AASS: variants seen among roughly 807,000 people sequenced by gnomAD.
AASS encodes alpha-aminoadipic semialdehyde synthase, mitochondrial.
A neutral mutation model predicts 105.4 loss-of-function variants in AASS; 86 were observed. The observed-to-expected ratio is 0.82, with a 90% CI of 0.69 to 0.98. AASS has a LOEUF of 0.98. Ranked by LOEUF, AASS falls within the 50% of genes least tolerant of loss-of-function variation. AASS has a pLI of 0.00. For missense variants in AASS, 1,048 were observed against 1,143.2 expected (o/e 0.92, Z 1.20); for synonymous variants, 381 against 394.8 (o/e 0.96, Z 0.41).
intron 15 of AASS, among the ~76,000 whole-genome samples, chr7:122,095,930 T>A (rs907648489): frequency 3.6e-4 from 55 of 152,278 alleles, no homozygotes; most frequent in African/African-American, 1.3e-3. Context: ...TAAGATCTAA[T>A]AATATTTTAA....
chr7:122,079,174 C>A, intron 21 of AASS: 1 of 1,428,788 alleles, frequency 7.0e-7, no homozygotes, highest in Non-Finnish European at 9.1e-7. Flanking sequence ...TGGAGCAGGG[C>A]AGAGATGATG....
chr7:122,118,381 T>C lies in AASS; in HGVS notation c.613A>G (p.Ile205Val), dbSNP rs147034804. ...GACTTAGGCATCAAACCCAAAGATA[T>C]TTCATAGCCAGCATCACGGACAGCT... ...VQAVRDAGYEISLGLMPKSIG... is the reference protein window; with the variant it reads ...VQAVRDAGYEVSLGLMPKSIG... The change falls in exon 6 of 24, where the codon ATA (isoleucine) becomes GTA (valine). Residue 205 changes from isoleucine (I) to valine (V), a missense_variant. Physicochemically the swap from Ile to Val is conservative, Grantham distance 29. Coordinates refer to ENST00000417368, the MANE Select transcript of AASS (RefSeq NM_005763.4). 4 of 1,614,064 alleles carry C rather than the reference T, an allele frequency of 2.5e-6. No individual in the cohort carries two copies. The highest frequency in any genetic ancestry group is 3.3e-5 in the Admixed American group (2 of 60,000).
chr7:122,143,456 A>G (rs911309725), intron 1 of AASS, among the ~76,000 whole-genome samples: 1 of 150,510 alleles, frequency 6.6e-6, no homozygotes, highest in African/African-American at 2.4e-5. Flanking sequence ...GAGGGTGGGT[A>G]AACTGCTTCT....
chr7:122,087,248 G>A (rs1046044946), intron 18 of AASS, among the ~76,000 whole-genome samples: 2 of 152,156 alleles, frequency 1.3e-5, no homozygotes, highest in African/African-American at 2.4e-5. Flanking sequence ...GGTTCTGAAC[G>A]TGCCTTTGTA....
In AASS at chr7:122,126,805, C is replaced by T. The variant is rs548249912; in HGVS notation, c.388-346G>A. 8.5e-5 allele frequency among the ~76,000 whole-genome samples: 13 copies of T among 152,270 alleles called. No individual in the cohort carries two copies. The Middle Eastern group carries it at 0.01, about 120-fold the overall frequency. On this transcript the variant is annotated intron_variant, in intron 3 of 23. Transcript: ENST00000417368. ...AAGCCCCTCTCATCCTTACATCCTT[C>T]CTTCTGGTCAAATAAAACAGATCCA...
chr7:122,108,381 T>C (rs1794768313), intron 11 of AASS, among the ~76,000 whole-genome samples: 1 of 152,056 alleles, frequency 6.6e-6, no homozygotes, highest in Admixed American at 6.6e-5. Flanking sequence ...AAAAGTAAAC[T>C]TCAGGCCAAT....
In AASS at chr7:122,077,952, G is replaced by A. The variant is rs1010186650; in HGVS notation, c.2548C>T (p.His850Tyr). ...AGATCAATCGTTTTATGTTCTAAAT[G>A]TCCAGAAGGATGTCTGATTCCAAAG... ...DSFGIRHPSGHLEHKTIDLVA... is the reference protein window; with the variant it reads ...DSFGIRHPSGYLEHKTIDLVA... Residue 850 changes from histidine to tyrosine, a missense_variant, in exon 23 of 24, where the codon CAT (histidine) becomes TAT (tyrosine). His to Tyr is a moderately conservative substitution (Grantham distance 83). Transcript: ENST00000417368. 2 of 1,614,124 alleles carry A rather than the reference G, an allele frequency of 1.2e-6. No homozygotes were observed. Among genetic ancestry groups the A allele is most frequent in the South Asian group, 1.1e-5 (1 of 91,086 alleles).
At chr7:122,101,172 A>G (rs774359281) in intron 13 of AASS, among the ~76,000 whole-genome samples, 199 bp downstream of exon 13, 2 of 151,862 alleles carry the variant, frequency 1.3e-5, no homozygotes, top group African/African-American at 2.4e-5. Flanking sequence ...AAATGACGCT[A>G]TACTACTGTT....
rs541425226 is a variant in AASS at position 122,094,538 on chromosome 7, TAGTC to T, written c.1656-1384_1656-1381del. On this transcript the variant is annotated intron_variant, in intron 15 of 23. Transcript: ENST00000417368. ...TGGTACTGCAGACAGCTTTACCAAA[TAGTC>T]AGTAAAAAACAACTTAAATATTGTC... is the stretch of plus-strand genomic sequence containing the variant. Among the ~76,000 whole-genome samples, 770 of 152,300 alleles carry T rather than the reference TAGTC, an allele frequency of 5.1e-3. 2 individuals are homozygous for T. Among genetic ancestry groups the T allele is most frequent in the Non-Finnish European group, 6.2e-3 (421 of 68,030 alleles).
intron 11 of AASS, among the ~76,000 whole-genome samples, chr7:122,109,810 T>G (rs1794844763): frequency 6.6e-6 from 1 of 151,380 alleles, no homozygotes; most frequent in Non-Finnish European, 1.5e-5. Flanking sequence ...ACAAATGGAA[T>G]TACATCAAAC....
In AASS at chr7:122,135,271, T is replaced by TAAAA. The variant is rs35382381; in HGVS notation, c.-15-1534_-15-1531dup. Among the ~76,000 whole-genome samples the TAAAA allele has an allele frequency of 4.0e-4, 58 of 145,730 alleles. 1 individual carries two copies. The highest frequency in any genetic ancestry group is 6.1e-4 in the African/African-American group (24 of 39,584). ...ACATGTACCCTAGAACTTAAAGTAT[T>TAAAA]AAAAAAAAAAAAAGAAAACCAATCG... is the stretch of plus-strand genomic sequence containing the variant. On this transcript the variant is annotated intron_variant, in intron 1 of 23. Transcript: ENST00000417368.
Position 122,101,421 on chromosome 7 carries a change from G to T in AASS, c.1356C>A (p.Asn452Lys). ...ATTTATATTTATCAGGTAATGTACCGTTGGATGTAATCACTGCCTAAATGT... is the reference window on the plus strand; with the variant it reads ...ATTTATATTTATCAGGTAATGTACCTTTGGATGTAATCACTGCCTAAATGT... The part of the protein sequence containing the change: ...PVVRDAVITS[N>K]GTLPDKYKYI... The change falls in exon 13 of 24, where the codon AAC (asparagine) becomes AAA (lysine). Residue 452 changes from asparagine to lysine, a missense_variant. By Grantham distance (94) the Asn-to-Lys change is moderately conservative. Coordinates refer to ENST00000417368, the MANE Select transcript of AASS (RefSeq NM_005763.4). 1 of 1,610,040 alleles carries T rather than the reference G, an allele frequency of 6.2e-7. No homozygotes were observed. Among genetic ancestry groups the T allele is most frequent in the Non-Finnish European group, 8.5e-7 (1 of 1,176,998 alleles).
At chr7:122,115,311 G>A in intron 8 of AASS, 89 bp from the exon 9 acceptor site, 1 of 1,479,014 alleles carries the variant, frequency 6.8e-7, no homozygotes, top group Non-Finnish European at 9.4e-7. Context: ...AATTCTATGA[G>A]AAATAATTAA....
rs549638183 is a variant in AASS, at chr7:122,098,718, C to T, written c.1528+27G>A. 107 of 1,602,450 alleles carry T rather than the reference C, an allele frequency of 6.7e-5. No individual in the cohort carries two copies. In the Middle Eastern group the frequency reaches 2.0e-3, roughly 30 times the overall value. The stretch of plus-strand genomic sequence containing the variant: ...TCAACACGCTATAAAATACATTTTT[C>T]TTCTTCAAAAATTAGGGCTTATTTA... On this transcript the variant is annotated intron_variant, in intron 14 of 23. Coordinates refer to ENST00000417368, the MANE Select transcript of AASS (RefSeq NM_005763.4).
intron 20 of AASS, among the ~76,000 whole-genome samples, 178 bp from the exon 21 acceptor site, chr7:122,079,890 C>T (rs750568219): frequency 1.1e-4 from 16 of 152,102 alleles, no homozygotes; most frequent in Non-Finnish European, 2.2e-4. Context: ...TGCATACCTA[C>T]ACATCAATAA....
At chr7:122,142,182 G>A (rs1035269895) in intron 1 of AASS, among the ~76,000 whole-genome samples, 8 of 152,080 alleles carry the variant, frequency 5.3e-5, no homozygotes, top group African/African-American at 1.7e-4. Context: ...TGCATCATGC[G>A]CAAAATGAGA....
At chr7:122,096,586 C>A (rs1321993794) in intron 15 of AASS, among the ~76,000 whole-genome samples, 1 of 151,730 alleles carries the variant, frequency 6.6e-6, no homozygotes, top group Non-Finnish European at 1.5e-5. Flanking sequence ...CAAGATTGTG[C>A]CACTGCATTC....
chr7:122,104,353 T>C (rs1794568346), intron 11 of AASS, among the ~76,000 whole-genome samples: 1 of 152,090 alleles, frequency 6.6e-6, no homozygotes, highest in African/African-American at 2.4e-5. Flanking sequence ...CCCAGCACTT[T>C]GAGAGGCCAA....
At position 122,091,825 on chromosome 7, in the gene AASS, A is replaced by G; in HGVS notation, c.1894T>C (p.Tyr632His). 2 of 1,609,832 alleles carry G rather than the reference A, an allele frequency of 1.2e-6. No individual in the cohort carries two copies. Among genetic ancestry groups the G allele is most frequent in the South Asian group, 1.1e-5 (1 of 90,936 alleles). Reference sequence around the variant, plus strand: ...TCAGGGGCTGGAAGCCCACCACAGTAGGAAATATATGATTCAATCTATAAA... The same window carrying G: ...TCAGGGGCTGGAAGCCCACCACAGTGGGAAATATATGATTCAATCTATAAA... ...VGATIESYIS[Y>H]CGGLPAPEHS... Residue 632 changes from tyrosine (Y) to histidine (H), a missense_variant, in exon 18 of 24, where the codon TAC (tyrosine) becomes CAC (histidine). Transcript: ENST00000417368.
Sources: allele counts gnomAD v4.1 joint callset (sites outside exome capture counted in the v4.1 genomes callset), GRCh38; gene constraint gnomAD v4.1.1; transcripts MANE v1.5; gene names NCBI Gene and HGNC (gene_info 2026-07-23, HGNC 2026-07-21).